Variants in CUTC observed in about 807,000 individuals in gnomAD.
CUTC encodes the protein copper homeostasis protein cutC homolog.
CUTC carries 27 observed loss-of-function variants against 36.2 expected under a neutral mutation model. The observed-to-expected ratio is 0.75, with a 90% CI of 0.55 to 1.03. The LOEUF is 1.03. Among genes scored for constraint, CUTC ranks in the 50% least tolerant of loss-of-function variants. The pLI is 0.00. For synonymous variants in CUTC, 114 were observed against 118.3 expected (o/e 0.96, Z 0.24); for missense variants, 315 against 343.5 (o/e 0.92, Z 0.66).
intron 6 of CUTC, 67 bp from the exon 7 acceptor site, chr10:99,750,302 A>T: frequency 1.7e-6 from 2 of 1,190,184 alleles, no homozygotes; most frequent in Non-Finnish European, 2.4e-6. Flanking sequence ...TTCTATTCTC[A>T]CTGCCTTATT....
At chr10:99,751,423 C>T (rs903027948) in intron 7 of CUTC, among the ~76,000 whole-genome samples, 2 of 152,192 alleles carry the variant, frequency 1.3e-5, no homozygotes, top group African/African-American at 4.8e-5. Context: ...AACTCTTAGC[C>T]TCAAGCGATC....
chr10:99,755,373 TA>T (rs2037447709), intron 8 of CUTC, among the ~76,000 whole-genome samples: 1 of 49,118 alleles, frequency 2.0e-5, no homozygotes, highest in African/African-American at 6.8e-5. Flanking sequence ...GCCTGTAATT[TA>T]AAAAGGAAAA....
At chr10:99,752,407 A>C (rs1189397459) in intron 7 of CUTC, among the ~76,000 whole-genome samples, 1 of 151,936 alleles carries the variant, frequency 6.6e-6, no homozygotes, top group Admixed American at 6.6e-5. Context: ...AGGCCATATA[A>C]GGGGTATTGT....
chr10:99,755,540 C>T, intron 8 of CUTC, 85 bp from the exon 9 acceptor site: 1 of 806,876 alleles, frequency 1.2e-6, no homozygotes, highest in Non-Finnish European at 2.1e-6. Flanking sequence ...ACCCTTGTAT[C>T]ATGAAATAGT....
intron 1 of CUTC, 55 bp from the exon 2 acceptor site, chr10:99,736,191 T>C (rs992472940): frequency 6.8e-7 from 1 of 1,463,556 alleles, no homozygotes; most frequent in East Asian, 2.3e-5. Context: ...TTGTGGTAAA[T>C]TGGTCTGGAT....
At chr10:99,739,823 C>A in intron 3 of CUTC, 54 bp downstream of exon 3, 1 of 1,468,976 alleles carries the variant, frequency 6.8e-7, no homozygotes, top group Admixed American at 2.0e-5. Context: ...AGCCTGGAAG[C>A]AACTGATAAT....
chr10:99,745,875 G>A (rs534054875), intron 5 of CUTC, among the ~76,000 whole-genome samples: 1 of 152,116 alleles, frequency 6.6e-6, no homozygotes, highest in African/African-American at 2.4e-5. Context: ...AAAAAAGTAG[G>A]TTGGAAGTGA....
At position 99,744,605 on chromosome 10, in the gene CUTC, T is replaced by A. The variant is rs12247328; in HGVS notation, c.439+533T>A. Among the ~76,000 whole-genome samples the A allele has an allele frequency of 3.3e-3, 497 of 152,294 alleles. 3 individuals carry two copies. Among genetic ancestry groups the A allele is most frequent in the African/African-American group, 0.011 (474 of 41,550 alleles). On this transcript the variant is annotated intron_variant, in intron 5 of 8. Coordinates refer to ENST00000370476, the MANE Select transcript of CUTC (RefSeq NM_015960.3). ...AGGGAGAAAGGAGAAACAGATGCAA[T>A]CTAGTGTTGACTATCTAGTCAATGA...
Position 99,754,605 on chromosome 10 carries a change from G to T in CUTC, c.678G>T (p.Arg226=), listed in dbSNP as rs2037441573. ...SGATEFHCSA[R]STRDSGMKFR... ...CTACAGAATTCCACTGTTCTGCTCG[G>T]TCTACTAGAGACTCGGGAATGAAGT... Residue 226 remains arginine, a synonymous_variant, in exon 8 of 9, where the codon CGG becomes CGT. Transcript: ENST00000370476. The T allele has an allele frequency of 6.2e-7, 1 of 1,612,862 alleles. No homozygotes were observed. Among genetic ancestry groups the T allele is most frequent in the East Asian group, 2.2e-5 (1 of 44,812 alleles).
intron 1 of CUTC, among the ~76,000 whole-genome samples, chr10:99,732,743 T>A (rs1054088933): frequency 5.9e-5 from 9 of 152,148 alleles, no homozygotes; most frequent in Non-Finnish European, 1.2e-4. Context: ...CAGCAGCCAG[T>A]ACTCCGCTGG....
chr10:99,755,591 A>G lies in CUTC; in HGVS notation c.708-34A>G, dbSNP rs2037450724. On this transcript the variant is annotated intron_variant, in intron 8 of 8. Transcript: ENST00000370476. ...GCAGTAGGAGGGCCCATTTAATAAC[A>G]TAATTATCTGTTCCTTTATTATTTC... The G allele has an allele frequency of 2.8e-6, 4 of 1,430,216 alleles. No individual in the cohort carries two copies. In the East Asian group the frequency reaches 6.8e-5, roughly 24 times the overall value. The allele number at this position is 1,430,216 out of a possible 1,614,324, so 88.6% of individuals were successfully genotyped here. A position where few individuals can be genotyped will look rare whatever the true frequency, so the allele number is the denominator to read the frequency against.
At chr10:99,742,242 T>G (rs1047353070) in intron 3 of CUTC, among the ~76,000 whole-genome samples, 6 of 152,116 alleles carry the variant, frequency 3.9e-5, no homozygotes, top group African/African-American at 1.4e-4. Flanking sequence ...GGAGGGTAAA[T>G]CCAGTCACTG....
rs143746696 is a variant in CUTC, at chr10:99,751,767, A to G, written c.601+1371A>G. 6.2e-3 allele frequency among the ~76,000 whole-genome samples: 939 copies of G among 152,304 alleles called. 10 individuals carry two copies. Among genetic ancestry groups the G allele is most frequent in the African/African-American group, 0.021 (867 of 41,560 alleles). On this transcript the variant is annotated intron_variant, in intron 7 of 8. Transcript: ENST00000370476. ...CAGCTACTTGGGAGGCTGAGGCATG[A>G]GCATCACTTGAACCAAGGAGGCGGA...
intron 1 of CUTC, among the ~76,000 whole-genome samples, chr10:99,734,390 A>G (rs772544153): frequency 6.6e-6 from 1 of 152,170 alleles, no homozygotes; most frequent in Non-Finnish European, 1.5e-5. Context: ...TTAAATAAGT[A>G]AGGCAATTGC....
chr10:99,740,941 T>A lies in CUTC; in HGVS notation c.193+1172T>A, dbSNP rs1187299454. 2.0e-5 allele frequency among the ~76,000 whole-genome samples: 3 copies of A among 152,222 alleles called. No individual in the cohort carries two copies. The South Asian group carries it at 6.2e-4, about 31-fold the overall frequency. On this transcript the variant is annotated intron_variant, in intron 3 of 8. Transcript: ENST00000370476. ...CTGTAGAAATTTGAGTCTTTTTATG[T>A]CTCTGATGTCTCTTAACTTTTTTGA... is the stretch of plus-strand genomic sequence containing the variant.
At position 99,738,387 on chromosome 10, in the gene CUTC, A is replaced by AGGGTGT. The variant is rs759311135; in HGVS notation, c.134-1321_134-1316dup. On this transcript the variant is annotated intron_variant, in intron 2 of 8. Coordinates refer to ENST00000370476, the MANE Select transcript of CUTC (RefSeq NM_015960.3). ...TCAGATTTCTCCAGTTGACTCATAC[A>AGGGTGT]GGGTGTGTGTGTGTGTGTGTGTGTG... 9.8e-3 allele frequency among the ~76,000 whole-genome samples: 802 copies of AGGGTGT among 82,100 alleles called. 2 individuals are homozygous for AGGGTGT. The highest frequency in any genetic ancestry group is 0.014 in the Non-Finnish European group (561 of 40,076). 53.9% of individuals were successfully genotyped at this position (82,100 alleles called of 152,430 possible).
chr10:99,741,131 T>G (rs1029043828), intron 3 of CUTC, among the ~76,000 whole-genome samples: 6 of 152,242 alleles, frequency 3.9e-5, no homozygotes, highest in Non-Finnish European at 7.3e-5. Context: ...AATTTTACTT[T>G]ATTGGTTACT....
At chr10:99,743,757 C>CA (rs1475886661) in intron 4 of CUTC, among the ~76,000 whole-genome samples, 1 of 152,156 alleles carries the variant, frequency 6.6e-6, no homozygotes, top group Non-Finnish European at 1.5e-5. Flanking sequence ...TGAATGACCT[C>CA]AGAGGGACAA....
At chr10:99,751,061 A>G (rs985612224) in intron 7 of CUTC, among the ~76,000 whole-genome samples, 2 of 152,232 alleles carry the variant, frequency 1.3e-5, no homozygotes, top group Non-Finnish European at 1.5e-5. Context: ...AGAAAATAGC[A>G]TAATGAATAC....
Sources: allele counts gnomAD v4.1 joint callset (sites outside exome capture counted in the v4.1 genomes callset), GRCh38; gene constraint gnomAD v4.1.1; transcripts MANE v1.5; gene names NCBI Gene and HGNC (gene_info 2026-07-23, HGNC 2026-07-21).